PLEKHG1: variants seen among roughly 807,000 people sequenced by gnomAD.
The protein encoded by PLEKHG1 is pleckstrin homology and RhoGEF domain containing G1.
A neutral mutation model predicts 100.8 loss-of-function variants in PLEKHG1; 44 were observed. The ratio of observed to expected loss-of-function variants is 0.44; its 90% CI spans 0.34 to 0.56. The LOEUF (loss-of-function observed/expected upper bound fraction) is 0.56. Among genes scored for constraint, PLEKHG1 ranks in the 20% least tolerant of loss-of-function variants. PLEKHG1 has a pLI of 0.01. For missense variants in PLEKHG1, 1,545 were observed against 1,720.9 expected (o/e 0.90, Z 1.81); for synonymous variants, 640 against 662.5 (o/e 0.97, Z 0.52).
chr6:150,720,906 C>T (rs2128609298), upstream of PLEKHG1, among the ~76,000 whole-genome samples: 1 of 152,200 alleles, frequency 6.6e-6, no homozygotes, highest in East Asian at 1.9e-4. Context: ...TTTCGAGTTA[C>T]CCACAGTGGT....
chr6:150,757,191 G>A (rs764548582), intron 2 of PLEKHG1, among the ~76,000 whole-genome samples: 6 of 152,152 alleles, frequency 3.9e-5, no homozygotes, highest in Middle Eastern at 6.8e-3. Context: ...TAGTAGAGAC[G>A]GGGTTTTACC....
intron 2 of PLEKHG1, among the ~76,000 whole-genome samples, chr6:150,737,483 G>A (rs1340032606): frequency 1.3e-5 from 2 of 151,666 alleles, no homozygotes; most frequent in African/African-American, 2.4e-5. Context: ...TAGTAGAGAC[G>A]GGGTTTCACC....
intron 3 of PLEKHG1, among the ~76,000 whole-genome samples, chr6:150,690,657 G>T (rs1382744030): frequency 2.1e-4 from 32 of 152,168 alleles, no homozygotes; most frequent in Admixed American, 2.1e-3. Context: ...GTGAGAGGAA[G>T]GGTGCAAAAT....
At chr6:150,676,175 T>G (rs974967727) in intron 3 of PLEKHG1, among the ~76,000 whole-genome samples, 3 of 152,148 alleles carry the variant, frequency 2.0e-5, no homozygotes, top group African/African-American at 7.2e-5. Context: ...TAGAACGTAA[T>G]GAAAGCAACA....
At chr6:150,830,961 C>T in exon 15 of PLEKHG1, 2 of 1,613,968 alleles carry the variant, frequency 1.2e-6, no homozygotes. Context: ...GAGAGCAACA[C>T]ATGCCCTCCT....
intron 2 of PLEKHG1, among the ~76,000 whole-genome samples, chr6:150,753,205 A>T (rs992078591): frequency 6.6e-6 from 1 of 152,162 alleles, no homozygotes; most frequent in African/African-American, 2.4e-5. Flanking sequence ...CCACCCCCGT[A>T]AAGTAGACCA....
intron 3 of PLEKHG1, among the ~76,000 whole-genome samples, chr6:150,656,271 A>G (rs886475003): frequency 6.6e-5 from 10 of 152,086 alleles, no homozygotes; most frequent in African/African-American, 2.2e-4. Flanking sequence ...GAAAAAGGAT[A>G]TGAGTTTAAA....
chr6:150,696,015 A>G (rs1238312906), intron 3 of PLEKHG1, among the ~76,000 whole-genome samples: 2 of 152,230 alleles, frequency 1.3e-5, no homozygotes, highest in Non-Finnish European at 2.9e-5. Flanking sequence ...CCACTTTCAC[A>G]ACAAGTCAAA....
chr6:150,615,356 A>G (rs9397339), intron 1 of PLEKHG1, among the ~76,000 whole-genome samples: 6,762 of 152,214 alleles, frequency 0.044, 354 homozygotes, highest in African/African-American at 0.11. Context: ...ACCAACTCTG[A>G]TAACTTTCTA....
At chr6:150,602,657 G>A (rs1776403254) in intron 1 of PLEKHG1, among the ~76,000 whole-genome samples, 1 of 152,138 alleles carries the variant, frequency 6.6e-6, no homozygotes, top group African/African-American at 2.4e-5. Flanking sequence ...CACATATGGT[G>A]TGCTTTGAAG....
At chr6:150,765,569 G>C (rs1291251297) in intron 2 of PLEKHG1, among the ~76,000 whole-genome samples, 1 of 151,984 alleles carries the variant, frequency 6.6e-6, no homozygotes. Context: ...CTATTTCCGG[G>C]CATCTCATAG....
At chr6:150,701,678 G>T (rs1205296683) in intron 3 of PLEKHG1, among the ~76,000 whole-genome samples, 1 of 146,850 alleles carries the variant, frequency 6.8e-6, no homozygotes, top group Non-Finnish European at 1.5e-5. Flanking sequence ...TGTTAGGAAG[G>T]CATTGAATGT....
intron 3 of PLEKHG1, among the ~76,000 whole-genome samples, chr6:150,666,296 T>C (rs1779392977): frequency 6.6e-6 from 1 of 151,768 alleles, no homozygotes; most frequent in African/African-American, 2.4e-5. Flanking sequence ...GGGAAGAGAG[T>C]TTAGGAACAA....
intron 3 of PLEKHG1, among the ~76,000 whole-genome samples, chr6:150,662,102 C>T (rs149400926): frequency 3.9e-5 from 6 of 152,174 alleles, no homozygotes; most frequent in East Asian, 1.9e-4. Flanking sequence ...TATCCCAAGG[C>T]GAGAACCCAA....
At chr6:150,664,884 T>G (rs1316458252) in intron 3 of PLEKHG1, among the ~76,000 whole-genome samples, 1 of 152,198 alleles carries the variant, frequency 6.6e-6, no homozygotes, top group Non-Finnish European at 1.5e-5. Flanking sequence ...TCTATCAGAT[T>G]ACTCTGTTAC....
intron 2 of PLEKHG1, among the ~76,000 whole-genome samples, chr6:150,649,697 T>G (rs1778638029): frequency 6.6e-6 from 1 of 151,242 alleles, no homozygotes; most frequent in South Asian, 2.1e-4. Flanking sequence ...GCCAACATGG[T>G]GAAACCCTGT....
intron 2 of PLEKHG1, among the ~76,000 whole-genome samples, chr6:150,736,947 A>T (rs2128619838): frequency 6.6e-6 from 1 of 152,294 alleles, no homozygotes; most frequent in South Asian, 2.1e-4. Context: ...GGGGGTGAGT[A>T]TTGGAAAGAA....
At chr6:150,669,280 T>C (rs2128584013) in intron 3 of PLEKHG1, among the ~76,000 whole-genome samples, 1 of 152,056 alleles carries the variant, frequency 6.6e-6, no homozygotes, top group African/African-American at 2.4e-5. Flanking sequence ...TGAGTAGGAG[T>C]GAGGAGAAAA....
chr6:150,655,806 G>A (rs55715259), intron 3 of PLEKHG1, among the ~76,000 whole-genome samples: 11,420 of 151,610 alleles, frequency 0.075, 590 homozygotes, highest in Admixed American at 0.11. Flanking sequence ...CTGCAGGGAC[G>A]TGGATGAAGC....
Sources: allele counts gnomAD v4.1 joint callset (sites outside exome capture counted in the v4.1 genomes callset), GRCh38; gene constraint gnomAD v4.1.1; transcripts MANE v1.5; gene names NCBI Gene and HGNC (gene_info 2026-07-23, HGNC 2026-07-21).